The following FAM171A1 variants were observed in gnomAD, a reference collection of about 807,000 sequenced individuals.
FAM171A1 encodes protein FAM171A1.
Under a neutral mutation model 74.9 loss-of-function variants are expected in FAM171A1, and 23 were observed. The ratio of observed to expected loss-of-function variants is 0.31; its 90% confidence interval spans 0.22 to 0.44. The LOEUF is 0.44. FAM171A1 is among the 20% of genes least tolerant of loss of function. FAM171A1 has a pLI of 1.00. For synonymous variants in FAM171A1, 527 were observed against 505.7 expected (o/e 1.04, Z -0.57); for missense variants, 1,162 against 1,159.2 (o/e 1.00, Z -0.03).
intron 1 of FAM171A1, among the ~76,000 whole-genome samples, chr10:15,329,362 G>A (rs1835598988): frequency 1.3e-5 from 2 of 152,138 alleles, no homozygotes; most frequent in African/African-American, 4.8e-5. Flanking sequence ...GAATGAGCTG[G>A]GCCACGCCAG....
chr10:15,271,562 C>G (rs1450263179), intron 3 of FAM171A1, among the ~76,000 whole-genome samples: 2 of 152,176 alleles, frequency 1.3e-5, no homozygotes, highest in South Asian at 4.1e-4. Flanking sequence ...AGAAGAGCAA[C>G]TCCAAGACAC....
intron 4 of FAM171A1, among the ~76,000 whole-genome samples, chr10:15,251,738 G>T (rs1834511633): frequency 6.6e-6 from 1 of 151,996 alleles, no homozygotes; most frequent in Admixed American, 6.6e-5. Flanking sequence ...ACATTTTGAA[G>T]GGCTAAACTA....
chr10:15,238,732 C>T (rs544117860), intron 5 of FAM171A1, among the ~76,000 whole-genome samples: 6 of 152,310 alleles, frequency 3.9e-5, no homozygotes, highest in African/African-American at 7.2e-5. Context: ...GAGCCTGACA[C>T]GAATGCATCG....
At chr10:15,330,735 T>TG (rs1835619398) in intron 1 of FAM171A1, among the ~76,000 whole-genome samples, 1 of 135,138 alleles carries the variant, frequency 7.4e-6, no homozygotes. Flanking sequence ...TTTTTTTTTT[T>TG]GAGATGGAGC....
At chr10:15,255,505 G>C (rs1361392896) in intron 3 of FAM171A1, among the ~76,000 whole-genome samples, 1 of 152,184 alleles carries the variant, frequency 6.6e-6, no homozygotes. Context: ...TTTAGGATGA[G>C]ACTTTTGAAA....
At chr10:15,337,539 C>A (rs1389458983) in intron 1 of FAM171A1, among the ~76,000 whole-genome samples, 8 of 151,910 alleles carry the variant, frequency 5.3e-5, no homozygotes, top group Non-Finnish European at 1.2e-4. Context: ...GCCTGTAATC[C>A]CAGCACTTTA....
At chr10:15,348,759 C>T (rs1020629291) in intron 1 of FAM171A1, among the ~76,000 whole-genome samples, 1 of 152,202 alleles carries the variant, frequency 6.6e-6, no homozygotes, top group South Asian at 2.1e-4. Flanking sequence ...ATCCATGCTT[C>T]GTGACGCAGT....
chr10:15,361,674 C>T (rs1445814278), intron 1 of FAM171A1, among the ~76,000 whole-genome samples: 2 of 151,960 alleles, frequency 1.3e-5, no homozygotes, highest in Non-Finnish European at 2.9e-5. Flanking sequence ...CAGAGCAAGA[C>T]TCTGTCTCAA....
chr10:15,288,614 T>G (rs954549589), intron 1 of FAM171A1, among the ~76,000 whole-genome samples: 1 of 152,092 alleles, frequency 6.6e-6, no homozygotes, highest in East Asian at 1.9e-4. Flanking sequence ...CTGCTGAGAT[T>G]TGAGGGAAAA....
chr10:15,332,754 A>G (rs1201714770), intron 1 of FAM171A1, among the ~76,000 whole-genome samples: 1 of 152,054 alleles, frequency 6.6e-6, no homozygotes, highest in East Asian at 1.9e-4. Flanking sequence ...TTTTTCTCTC[A>G]TCCAGATCCT....
At chr10:15,322,760 C>A (rs1183874219) in intron 1 of FAM171A1, among the ~76,000 whole-genome samples, 1 of 152,202 alleles carries the variant, frequency 6.6e-6, no homozygotes, top group African/African-American at 2.4e-5. Flanking sequence ...GGAGATCTTG[C>A]CCCCAGAATG....
intron 1 of FAM171A1, among the ~76,000 whole-genome samples, chr10:15,301,987 T>C (rs1835235178): frequency 6.6e-6 from 1 of 152,064 alleles, no homozygotes; most frequent in Admixed American, 6.5e-5. Flanking sequence ...AAAGAAGACA[T>C]AAGACAGTCC....
chr10:15,319,501 T>C (rs1479864806), intron 1 of FAM171A1, among the ~76,000 whole-genome samples: 1 of 152,186 alleles, frequency 6.6e-6, no homozygotes, highest in Non-Finnish European at 1.5e-5. Context: ...GGCACGATCT[T>C]GGCTCACTGC....
intron 1 of FAM171A1, among the ~76,000 whole-genome samples, chr10:15,357,615 G>A (rs75349587): frequency 6.6e-6 from 1 of 152,086 alleles, no homozygotes; most frequent in African/African-American, 2.4e-5. Flanking sequence ...TCCCTAAGAG[G>A]AAAAATAAGC....
intron 1 of FAM171A1, among the ~76,000 whole-genome samples, chr10:15,288,813 CTTT>C (rs71505064): frequency 3.9e-4 from 29 of 73,694 alleles, no homozygotes; most frequent in African/African-American, 1.0e-3. Context: ...TTCGGTAATT[CTTT>C]TTTTTTTTTT....
At chr10:15,231,783 G>A (rs1189383530) in intron 5 of FAM171A1, among the ~76,000 whole-genome samples, 4 of 152,098 alleles carry the variant, frequency 2.6e-5, no homozygotes, top group Non-Finnish European at 4.4e-5. Context: ...AGGAGTCAGC[G>A]CACTCAAATG....
chr10:15,269,033 G>C (rs1045741037), intron 3 of FAM171A1, among the ~76,000 whole-genome samples: 8 of 103,324 alleles, frequency 7.7e-5, no homozygotes, highest in Non-Finnish European at 1.6e-4. Flanking sequence ...CAGAGACTCT[G>C]TCTCAAACAA....
intron 1 of FAM171A1, among the ~76,000 whole-genome samples, chr10:15,361,442 G>T (rs1174107375): frequency 1.3e-5 from 2 of 152,156 alleles, no homozygotes; most frequent in African/African-American, 4.8e-5. Context: ...CAGCATTTTG[G>T]GAGGCTGAGG....
intron 3 of FAM171A1, among the ~76,000 whole-genome samples, chr10:15,268,942 T>C (rs886823747): frequency 5.9e-5 from 9 of 152,114 alleles, no homozygotes; most frequent in Non-Finnish European, 1.2e-4. Context: ...CTGGGGAGGC[T>C]GATGCATGAA....
Sources: allele counts gnomAD v4.1 joint callset (sites outside exome capture counted in the v4.1 genomes callset), GRCh38; gene constraint gnomAD v4.1.1; transcripts MANE v1.5; gene names NCBI Gene and HGNC (gene_info 2026-07-23, HGNC 2026-07-21).